Variants in HDAC4 observed in about 807,000 individuals in gnomAD.
The protein encoded by HDAC4 is histone deacetylase 4, also known as histone deacetylase A.
In HDAC4, 16 loss-of-function variants were observed where a neutral mutation model predicts 135.1. The ratio of observed to expected loss-of-function variants is 0.12; its 90% confidence interval spans 0.08 to 0.18. The LOEUF (loss-of-function observed/expected upper bound fraction) is 0.18. Ranked by LOEUF, HDAC4 falls within the 10% of genes least tolerant of loss-of-function variation. HDAC4 has a pLI of 1.00. For synonymous variants in HDAC4, 685 were observed against 653.4 expected, an observed-to-expected ratio of 1.05 and a Z score of -0.74; for missense variants, 1,143 against 1,511.8, an observed-to-expected ratio of 0.76 and a Z score of 4.05.
intron 22 of HDAC4, 190 bp downstream of exon 22, chr2:239,080,905 G>A (rs971246196): frequency 1.0e-5 from 6 of 594,960 alleles, no homozygotes; most frequent in African/African-American, 5.6e-5. Flanking sequence ...AGAGCTGATG[G>A]TAAGAAGATA....
At chr2:239,397,004 CA>C (rs530958840) in intron 1 of HDAC4, among the ~76,000 whole-genome samples, 1 of 152,144 alleles carries the variant, frequency 6.6e-6, no homozygotes, top group Non-Finnish European at 1.5e-5. Context: ...TGACATAAGA[CA>C]GCATGAGAAA....
chr2:239,125,670 T>A (rs1198512752), intron 12 of HDAC4, among the ~76,000 whole-genome samples: 1 of 152,214 alleles, frequency 6.6e-6, no homozygotes, highest in Admixed American at 6.5e-5. Context: ...TCATCTCATC[T>A]CTTACCTTAA....
At chr2:239,162,106 C>T (rs530200129) in intron 6 of HDAC4, 11 of 456,706 alleles carry the variant, frequency 2.4e-5, no homozygotes, top group East Asian at 2.1e-4. Flanking sequence ...CTGTGCTCAC[C>T]GTGACCCCTG....
intron 25 of HDAC4, among the ~76,000 whole-genome samples, chr2:239,054,064 G>C (rs1559341350): frequency 6.6e-6 from 1 of 152,024 alleles, no homozygotes; most frequent in Admixed American, 6.5e-5. Flanking sequence ...CAGGCGCAAG[G>C]GGGTGTATGT....
At chr2:239,076,502 T>C (rs1013659223) in intron 22 of HDAC4, among the ~76,000 whole-genome samples, 6 of 151,908 alleles carry the variant, frequency 3.9e-5, no homozygotes, top group Non-Finnish European at 8.8e-5. Flanking sequence ...ATTCCCCTAG[T>C]AGGACCCTAA....
rs754363252 is a variant in HDAC4 at position 239,349,951 on chromosome 2, G to A, written c.22+2727C>T. Among the ~76,000 whole-genome samples, 1 of 152,202 alleles carries A rather than the reference G, an allele frequency of 6.6e-6. No homozygotes were observed. The highest frequency in any genetic ancestry group is 2.4e-5 in the African/African-American group (1 of 41,450). On this transcript the variant is annotated intron_variant, in intron 2 of 26. Transcript: ENST00000543185. This position sits in a 1 kb window ranked among gnomAD's most constrained non-coding sequence, Gnocchi z 5.7. ...GAGAGGTCGTGGGTGGCAATAAGGC[G>A]CACACAACCCAACTCACATGGGCAG...
chr2:239,391,041 C>T (rs764090903), intron 1 of HDAC4, among the ~76,000 whole-genome samples: 7 of 152,238 alleles, frequency 4.6e-5, no homozygotes, highest in African/African-American at 9.6e-5. Flanking sequence ...TCCATCAGAC[C>T]GCTCGAGTCA....
At chr2:239,316,193 C>A (rs937386092) in intron 2 of HDAC4, among the ~76,000 whole-genome samples, 2 of 152,256 alleles carry the variant, frequency 1.3e-5, no homozygotes, top group African/African-American at 4.8e-5. Context: ...ACACTACTGG[C>A]GGAAATGCAA....
intron 19 of HDAC4, 134 bp downstream of exon 19, chr2:239,087,425 G>A (rs1439356211): frequency 1.7e-5 from 14 of 827,928 alleles, no homozygotes; most frequent in East Asian, 2.7e-5. Context: ...GAGCCAAGCC[G>A]GCATGCGGCA....
Position 239,139,690 on chromosome 2 carries a change from C to G in HDAC4, c.972G>C (p.Pro324=). Residue 324 remains proline, a synonymous_variant, in exon 9 of 27, where the codon CCG becomes CCC. Coordinates refer to ENST00000543185, the MANE Select transcript of HDAC4 (RefSeq NM_001378414.1). The surrounding 1 kb of genome is among the most constrained non-coding windows in gnomAD (Gnocchi z 5.3). ...NGIAPAVPSI[P]AETSLAHRLV... ...ACAAACGCTTCGCACTGACCTCCGC[C>G]GGGATGCTGGGGACGGCGGGCGCGA... The G allele has an allele frequency of 6.2e-7, 1 of 1,613,890 alleles. No individual in the cohort carries two copies. The highest frequency in any genetic ancestry group is 8.5e-7 in the Non-Finnish European group (1 of 1,179,808).
At chr2:239,132,269 C>CA (rs2040641965) in intron 11 of HDAC4, among the ~76,000 whole-genome samples, 1 of 152,212 alleles carries the variant, frequency 6.6e-6, no homozygotes, top group Non-Finnish European at 1.5e-5. Flanking sequence ...AGAGCATAAG[C>CA]GGCTTCCCAG....
intron 2 of HDAC4, among the ~76,000 whole-genome samples, chr2:239,287,695 AC>A (rs1457750992): frequency 6.6e-6 from 1 of 152,238 alleles, no homozygotes; most frequent in Non-Finnish European, 1.5e-5. Context: ...AAGCTGACTT[AC>A]AACTAAGGGA....
intron 2 of HDAC4, among the ~76,000 whole-genome samples, chr2:239,264,360 G>GCGAAAGAAGTTCGGACC: frequency 6.6e-6 from 1 of 152,354 alleles, no homozygotes; most frequent in African/African-American, 2.4e-5. Context: ...TGGCAAAAGA[G>GCGAAAGAAGTTCGGACC]CGAAAGACCG....
chr2:239,385,035 C>G (rs1160601608), intron 1 of HDAC4, among the ~76,000 whole-genome samples: 2 of 152,168 alleles, frequency 1.3e-5, no homozygotes, highest in African/African-American at 2.4e-5. Flanking sequence ...GGGACAGGGA[C>G]AAGGCTTCCA....
chr2:239,277,996 CACACACCCCAGCCACACACCCTAGCA>C (rs953712605), intron 2 of HDAC4, among the ~76,000 whole-genome samples: 2 of 152,046 alleles, frequency 1.3e-5, no homozygotes, highest in African/African-American at 4.8e-5. Flanking sequence ...ACACCCCAGC[CACACACCCCAGCCACACACCCTAGCA>C]ACACACTCCA....
At chr2:239,269,095 G>A (rs1249385412) in intron 2 of HDAC4, among the ~76,000 whole-genome samples, 1 of 152,130 alleles carries the variant, frequency 6.6e-6, no homozygotes, top group Non-Finnish European at 1.5e-5. Context: ...GCAGATGGAA[G>A]CCATCCAAGC....
chr2:239,136,975 AT>A (rs201198735), intron 9 of HDAC4, among the ~76,000 whole-genome samples: 36 of 150,262 alleles, frequency 2.4e-4, no homozygotes, highest in East Asian at 9.7e-4. Flanking sequence ...TTCCTAGGCA[AT>A]TTTTTTTTTG....
intron 13 of HDAC4, 133 bp from the exon 14 acceptor site, chr2:239,111,845 G>A (rs756718012): frequency 1.9e-4 from 154 of 830,668 alleles, no homozygotes; most frequent in Non-Finnish European, 2.9e-4. Flanking sequence ...GATGCCGGGA[G>A]GCCAGCTGCG....
intron 17 of HDAC4, chr2:239,091,644 G>C (rs2036514468): frequency 6.6e-6 from 1 of 152,266 alleles, no homozygotes; most frequent in Non-Finnish European, 1.5e-5. Context: ...TGTGGGGAGG[G>C]AGGATTTCTT....
Sources: allele counts gnomAD v4.1 joint callset (sites outside exome capture counted in the v4.1 genomes callset), GRCh38; gene constraint gnomAD v4.1.1; non-coding constraint Gnocchi (gnomAD v3.1); transcripts MANE v1.5; gene names NCBI Gene and HGNC (gene_info 2026-07-23, HGNC 2026-07-21).